Variants in USP34 observed in about 807,000 individuals in gnomAD.
USP34 encodes the protein ubiquitin specific peptidase 34.
In USP34, 70 loss-of-function variants were observed where a neutral mutation model predicts 460.3. That is an observed-to-expected ratio of 0.15 (90% CI 0.13 to 0.19). The LOEUF (loss-of-function observed/expected upper bound fraction) is 0.19, where lower values mean the gene tolerates loss of function less well. Among genes scored for constraint, USP34 ranks in the 10% least tolerant of loss-of-function variants. USP34 has a pLI of 1.00. For synonymous variants in USP34, 1,647 were observed against 1,405.3 expected, an observed-to-expected ratio of 1.17 and a Z score of -3.85; for missense variants, 3,985 against 4,236.2, an observed-to-expected ratio of 0.94 and a Z score of 1.65.
chr2:61,420,824 A>T lies in USP34; in HGVS notation c.53T>A (p.Val18Glu). The T allele has an allele frequency of 1.2e-6, 2 of 1,605,550 alleles. No homozygotes were observed. The highest frequency in any genetic ancestry group is 2.3e-5 in the South Asian group (2 of 88,824). ...LVEVLNEISD[V>E]EGGDGLQLRK... ...GAGCTGCAGTCCATCACCACCTTCT[A>T]CATCTGATACTGAAATAAAAAAGAA... The change falls in exon 2 of 80, where the codon GTA (valine) becomes GAA (glutamate). Residue 18 changes from valine to glutamate, a missense_variant. Val to Glu is a moderately radical substitution (Grantham distance 121). Around this residue, in one of 14 missense-constraint regions of USP34, gnomAD observed 331 missense variants for 293.7 expected, o/e 1.13. Coordinates refer to ENST00000398571, the MANE Select transcript of USP34 (RefSeq NM_014709.4).
chr2:61,276,144 T>G (rs1689366064), intron 41 of USP34, among the ~76,000 whole-genome samples: 1 of 152,160 alleles, frequency 6.6e-6, no homozygotes, highest in African/African-American at 2.4e-5. Flanking sequence ...TTGGCAAATA[T>G]CTCAGTGACA....
chr2:61,338,752 T>C (rs149221455), intron 18 of USP34, among the ~76,000 whole-genome samples: 1 of 152,056 alleles, frequency 6.6e-6, no homozygotes, highest in Non-Finnish European at 1.5e-5. Context: ...AGTACATAAA[T>C]ATGAGGCAGA....
intron 1 of USP34, among the ~76,000 whole-genome samples, chr2:61,469,117 G>T (rs1009121682): frequency 6.6e-6 from 1 of 152,056 alleles, no homozygotes; most frequent in South Asian, 2.1e-4. Context: ...TGAGGCAGGA[G>T]AATCGCTTGA....
intron 1 of USP34, among the ~76,000 whole-genome samples, chr2:61,438,367 C>T (rs765045547): frequency 2.0e-5 from 3 of 152,144 alleles, no homozygotes; most frequent in Non-Finnish European, 4.4e-5. Context: ...AATCCCAGCA[C>T]TTTGGGAGGC....
At chr2:61,446,239 T>C (rs1387411940) in intron 1 of USP34, among the ~76,000 whole-genome samples, 9 of 152,252 alleles carry the variant, frequency 5.9e-5, no homozygotes, top group Admixed American at 3.9e-4. Context: ...GGAACTGTTA[T>C]ATATTTTTGA....
chr2:61,339,642 A>G lies in USP34; in HGVS notation c.2540T>C (p.Val847Ala), dbSNP rs556378411. Residue 847 changes from valine (V) to alanine (A), a missense_variant, in exon 17 of 80, where the codon GTT (valine) becomes GCT (alanine). Physicochemically the swap from Val to Ala is moderately conservative, Grantham distance 64. This residue lies in a region of USP34 where 716 missense variants were observed against 626.2 expected (regional missense o/e 1.14). Coordinates refer to ENST00000398571, the MANE Select transcript of USP34 (RefSeq NM_014709.4). ...AACATTATCCAAATTAATGTCTGTAACAGCATTACTGTTGAATTGATGTTT... is the reference window on the plus strand; with the variant it reads ...AACATTATCCAAATTAATGTCTGTAGCAGCATTACTGTTGAATTGATGTTT... ...VHKHQFNSNA[V>A]TDINLDNVCK... 4 of 1,569,668 alleles carry G rather than the reference A, an allele frequency of 2.5e-6. No homozygotes were observed. The South Asian group carries it at 4.9e-5, about 19-fold the overall frequency.
At chr2:61,364,497 A>G (rs1692370205) in intron 10 of USP34, among the ~76,000 whole-genome samples, 1 of 152,246 alleles carries the variant, frequency 6.6e-6, no homozygotes, top group Non-Finnish European at 1.5e-5. Flanking sequence ...GGTGATAGTT[A>G]CACAACATTA....
In USP34 at chr2:61,188,407, C is replaced by A. The variant is rs369630143; in HGVS notation, c.10336G>T (p.Asp3446Tyr). 201 of 1,614,042 alleles carry A rather than the reference C, an allele frequency of 1.2e-4. No individual in the cohort carries two copies. The highest frequency in any genetic ancestry group is 1.7e-4 in the Non-Finnish European group (196 of 1,180,036). Residue 3446 changes from aspartate to tyrosine, a missense_variant, in exon 80 of 80, where the codon GAT (aspartate) becomes TAT (tyrosine). Coordinates refer to ENST00000398571, the MANE Select transcript of USP34 (RefSeq NM_014709.4). ...EEQSNNGRYDDCKEFKDLHCS... is the reference protein window; with the variant it reads ...EEQSNNGRYDYCKEFKDLHCS... ...TGGAGGTCTTTAAATTCTTTACAAT[C>A]GTCATATCTACCATTGTTGGACTGT... is the stretch of plus-strand genomic sequence containing the variant.
intron 3 of USP34, among the ~76,000 whole-genome samples, chr2:61,401,449 C>G (rs1344487478): frequency 6.6e-6 from 1 of 151,378 alleles, no homozygotes; most frequent in Non-Finnish European, 1.5e-5. Flanking sequence ...TGTTGCCCAG[C>G]CTAGACTTAA....
chr2:61,353,683 G>A (rs978672497), intron 10 of USP34, among the ~76,000 whole-genome samples: 9 of 151,418 alleles, frequency 5.9e-5, no homozygotes, highest in African/African-American at 1.7e-4. Flanking sequence ...CACCTGCCTC[G>A]GCCTCCCAAA....
intron 3 of USP34, among the ~76,000 whole-genome samples, chr2:61,405,232 CAAAAAAAAAAAAAAA>C (rs199659618): frequency 2.6e-5 from 2 of 78,058 alleles, no homozygotes; most frequent in East Asian, 9.2e-4. Flanking sequence ...GACTCCATCT[CAAAAAAAAAAAAAAA>C]AAAAAAAAAA....
At chr2:61,426,266 C>A (rs973625500) in intron 1 of USP34, among the ~76,000 whole-genome samples, 1 of 152,096 alleles carries the variant, frequency 6.6e-6, no homozygotes, top group East Asian at 1.9e-4. Context: ...AGCACAAACA[C>A]AGCAGGGTAG....
intron 3 of USP34, among the ~76,000 whole-genome samples, chr2:61,398,581 G>GT (rs972489556): frequency 7.3e-6 from 1 of 137,454 alleles, no homozygotes; most frequent in Non-Finnish European, 1.6e-5. Context: ...GGGAAAGTCG[G>GT]GGGAGGGAGA....
At chr2:61,265,042 G>A (rs1370491239) in intron 43 of USP34, among the ~76,000 whole-genome samples, 2 of 151,834 alleles carry the variant, frequency 1.3e-5, no homozygotes, top group African/African-American at 4.8e-5. Context: ...TTGGATTCAG[G>A]GTTTCCTTAT....
At chr2:61,385,200 T>C (rs936676665) in intron 5 of USP34, among the ~76,000 whole-genome samples, 1 of 152,122 alleles carries the variant, frequency 6.6e-6, no homozygotes, top group South Asian at 2.1e-4. Flanking sequence ...CACCTCTACA[T>C]AAAAAGTTGG....
chr2:61,385,025 A>T (rs1693092859), intron 5 of USP34, among the ~76,000 whole-genome samples: 1 of 152,162 alleles, frequency 6.6e-6, no homozygotes, highest in Admixed American at 6.5e-5. Flanking sequence ...TGCTAGGTTA[A>T]TATAAACAAA....
At chr2:61,353,519 G>A (rs1381023896) in intron 10 of USP34, among the ~76,000 whole-genome samples, 1 of 151,294 alleles carries the variant, frequency 6.6e-6, no homozygotes, top group Non-Finnish European at 1.5e-5. Flanking sequence ...AGCCTCCCAA[G>A]TAGCTGGGAC....
chr2:61,259,044 G>A (rs1304146815), intron 44 of USP34, among the ~76,000 whole-genome samples: 1 of 152,150 alleles, frequency 6.6e-6, no homozygotes, highest in Non-Finnish European at 1.5e-5. Flanking sequence ...CAGATCACTT[G>A]AGATCAGGAG....
chr2:61,362,221 G>A (rs1469016830), intron 10 of USP34, among the ~76,000 whole-genome samples: 4 of 152,168 alleles, frequency 2.6e-5, no homozygotes, highest in African/African-American at 9.6e-5. Context: ...ATGAAAACTG[G>A]TACAGTCATT....
Sources: gnomAD v4.1 joint callset for allele counts (sites outside exome capture counted in the v4.1 genomes callset) on GRCh38, gnomAD v4.1.1 for gene constraint, gnomAD v4.1.1 regional missense constraint, MANE v1.5 for transcripts, NCBI Gene and HGNC (gene_info 2026-07-23, HGNC 2026-07-21) for gene names.